The following STK33 variants were observed in gnomAD, a reference collection of about 807,000 sequenced individuals.
STK33 encodes serine/threonine-protein kinase 33.
A neutral mutation model predicts 58.0 loss-of-function variants in STK33; 52 were observed. The observed-to-expected ratio is 0.90, with a 90% CI of 0.72 to 1.13. The LOEUF is 1.13. Ranked by LOEUF, STK33 falls within the 50% of genes most tolerant of loss-of-function variation. The pLI, the probability that STK33 is intolerant of heterozygous loss-of-function variation, is 0.00. For synonymous variants in STK33, 215 were observed against 200.1 expected (o/e 1.07, Z -0.63); for missense variants, 630 against 604.2 (o/e 1.04, Z -0.45).
At chr11:8,405,636 T>C (rs1201016490) in intron 15 of STK33, among the ~76,000 whole-genome samples, 2 of 152,242 alleles carry the variant, frequency 1.3e-5, no homozygotes, top group African/African-American at 4.8e-5. Flanking sequence ...GACTATCTGC[T>C]GGATGGAAGA....
intron 12 of STK33, among the ~76,000 whole-genome samples, chr11:8,436,823 G>A (rs149078419): frequency 9.9e-5 from 15 of 152,162 alleles, no homozygotes; most frequent in East Asian, 1.9e-4. Flanking sequence ...TCAGCCTCCC[G>A]AGTAGCAGGG....
intron 1 of STK33, among the ~76,000 whole-genome samples, chr11:8,515,553 T>A (rs1165102753): frequency 6.6e-6 from 1 of 152,158 alleles, no homozygotes; most frequent in Non-Finnish European, 1.5e-5. Flanking sequence ...CATGACAATA[T>A]CTCTGATGAA....
chr11:8,488,145 G>A (rs916433702), intron 1 of STK33, among the ~76,000 whole-genome samples: 1 of 152,178 alleles, frequency 6.6e-6, no homozygotes, highest in East Asian at 1.9e-4. Flanking sequence ...AAGTCAGTCT[G>A]TATTTGGCCT....
intron 1 of STK33, among the ~76,000 whole-genome samples, chr11:8,539,132 G>A (rs148025618): frequency 2.6e-5 from 4 of 152,022 alleles, no homozygotes; most frequent in East Asian, 3.9e-4. Flanking sequence ...AAAGTTTACA[G>A]AAGAGGTATT....
the STK33 span, among the ~76,000 whole-genome samples, chr11:8,335,212 C>T: frequency 6.6e-6 from 1 of 152,310 alleles, no homozygotes; most frequent in East Asian, 1.9e-4. Flanking sequence ...ACTCTGGGCC[C>T]CTCCTGATCG....
At chr11:8,575,409 C>A (rs887242340) in intron 1 of STK33, among the ~76,000 whole-genome samples, 2 of 152,168 alleles carry the variant, frequency 1.3e-5, no homozygotes, top group African/African-American at 4.8e-5. Context: ...ACACAAGGGA[C>A]TATTATCCAG....
chr11:8,423,837 GC>G (rs1942305014), intron 14 of STK33, among the ~76,000 whole-genome samples: 1 of 151,890 alleles, frequency 6.6e-6, no homozygotes, highest in South Asian at 2.1e-4. Context: ...ATTTCTCCAT[GC>G]AATGTTGTCA....
chr11:8,465,620 T>C (rs1459063273), intron 6 of STK33: 1 of 152,222 alleles, frequency 6.6e-6, no homozygotes, highest in Non-Finnish European at 1.5e-5. Context: ...TAACAAGAGT[T>C]TCTGGACCCA....
At chr11:8,558,216 C>T (rs1246918373) in intron 1 of STK33, among the ~76,000 whole-genome samples, 2 of 152,074 alleles carry the variant, frequency 1.3e-5, no homozygotes, top group Non-Finnish European at 2.9e-5. Context: ...AGATGCACTA[C>T]ATAAACTTAA....
chr11:8,414,893 A>T (rs1049461595), intron 14 of STK33, among the ~76,000 whole-genome samples: 1 of 152,166 alleles, frequency 6.6e-6, no homozygotes, highest in Non-Finnish European at 1.5e-5. Flanking sequence ...GTTCAATTTA[A>T]GATCCATTTC....
intron 15 of STK33, among the ~76,000 whole-genome samples, chr11:8,400,099 A>C (rs1850116440): frequency 6.6e-6 from 1 of 152,180 alleles, no homozygotes; most frequent in African/African-American, 2.4e-5. Flanking sequence ...AAAAGAGGGA[A>C]TCCTCCCTAG....
At chr11:8,426,836 C>A (rs1013253287) in intron 14 of STK33, among the ~76,000 whole-genome samples, 2 of 152,014 alleles carry the variant, frequency 1.3e-5, no homozygotes, top group African/African-American at 4.8e-5. Flanking sequence ...ATTTCAGTTT[C>A]TCCCACTCTT....
At chr11:8,338,869 A>C in the STK33 span, among the ~76,000 whole-genome samples, 5,318 of 152,186 alleles carry the variant, frequency 0.035, 306 homozygotes, top group African/African-American at 0.12. Context: ...TTGTCCTCAT[A>C]CAGCCCAGGG....
chr11:8,351,978 T>C, the STK33 span, among the ~76,000 whole-genome samples: 6 of 152,166 alleles, frequency 3.9e-5, no homozygotes, highest in East Asian at 9.7e-4. Context: ...GATCTTCCCA[T>C]ACCAGCAGGA....
intron 1 of STK33, among the ~76,000 whole-genome samples, chr11:8,546,202 T>C (rs1036838989): frequency 1.6e-4 from 25 of 152,232 alleles, no homozygotes; most frequent in Non-Finnish European, 3.1e-4. Context: ...CAGGTCATTA[T>C]TGCATACTAC....
chr11:8,459,262 T>C (rs117387904), intron 8 of STK33, among the ~76,000 whole-genome samples: 2,728 of 152,316 alleles, frequency 0.018, 36 homozygotes, highest in Non-Finnish European at 0.03. Flanking sequence ...ATCAGTACCA[T>C]GGCACAACCA....
chr11:8,529,424 G>C (rs2140086747), intron 1 of STK33, among the ~76,000 whole-genome samples: 1 of 152,276 alleles, frequency 6.6e-6, no homozygotes, highest in African/African-American at 2.4e-5. Context: ...AGAGCCATAG[G>C]ACAAGATTCA....
At chr11:8,435,086 T>C (rs1591030190) in intron 14 of STK33, among the ~76,000 whole-genome samples, 2 of 152,188 alleles carry the variant, frequency 1.3e-5, no homozygotes, top group Admixed American at 1.3e-4. Context: ...TGCCACTGTT[T>C]GGAGATCATG....
At chr11:8,579,859 T>TA (rs1429146665) in intron 1 of STK33, among the ~76,000 whole-genome samples, 1 of 152,122 alleles carries the variant, frequency 6.6e-6, no homozygotes, top group Non-Finnish European at 1.5e-5. Context: ...AACGGGTATA[T>TA]AAAAAGGTGT....
Sources: gnomAD v4.1 joint callset for allele counts (sites outside exome capture counted in the v4.1 genomes callset) on GRCh38, gnomAD v4.1.1 for gene constraint, MANE v1.5 for transcripts, NCBI Gene and HGNC (gene_info 2026-07-23, HGNC 2026-07-21) for gene names.